Variants in TEX14 observed in about 807,000 individuals in gnomAD.
TEX14 encodes inactive serine/threonine-protein kinase TEX14.
Under a neutral mutation model 178.6 loss-of-function variants are expected in TEX14, and 168 were observed. That is an observed-to-expected ratio of 0.94 (90% CI 0.83 to 1.07). TEX14 has a LOEUF of 1.07. Among genes scored for constraint, TEX14 ranks in the 50% least tolerant of loss-of-function variants. The probability of loss-of-function intolerance (pLI) is 0.00; values close to 1 mark genes in which losing one functional copy is unlikely to be tolerated. For missense variants in TEX14, 1,730 were observed against 1,753.6 expected (o/e 0.99, Z 0.24); for synonymous variants, 626 against 634.1 (o/e 0.99, Z 0.19).
chr17:58,655,640 A>G (rs982344715), intron 1 of TEX14, among the ~76,000 whole-genome samples: 1 of 152,068 alleles, frequency 6.6e-6, no homozygotes. Context: ...CTTCTTTCCC[A>G]GTCTGGATCT....
chr17:58,628,039 C>T (rs1205644302), intron 3 of TEX14, among the ~76,000 whole-genome samples: 1 of 150,210 alleles, frequency 6.7e-6, no homozygotes, highest in Admixed American at 6.7e-5. Context: ...CAGGTGTGAG[C>T]TACTGCATCT....
At chr17:58,633,417 C>T (rs929363284) in intron 2 of TEX14, among the ~76,000 whole-genome samples, 3 of 152,212 alleles carry the variant, frequency 2.0e-5, no homozygotes, top group African/African-American at 7.2e-5. Flanking sequence ...GTGAACAGAA[C>T]TGCAGAAGAT....
At chr17:58,655,409 A>C (rs1675134) in intron 1 of TEX14, among the ~76,000 whole-genome samples, 68,313 of 151,486 alleles carry the variant, frequency 0.45, 16,071 homozygotes, top group Middle Eastern at 0.59. Flanking sequence ...GTCTCGATCT[A>C]TTGACCTCAT....
intron 2 of TEX14, among the ~76,000 whole-genome samples, chr17:58,632,826 T>A (rs1157225564): frequency 6.6e-6 from 1 of 151,978 alleles, no homozygotes; most frequent in African/African-American, 2.4e-5. Flanking sequence ...TTAGGCGACA[T>A]CCGGAAAGAT....
rs534332184 is a variant in TEX14, at chr17:58,575,067, C to T, written c.3321-818G>A. On this transcript the variant is annotated intron_variant, in intron 21 of 31. Coordinates refer to ENST00000349033, the MANE Select transcript of TEX14 (RefSeq NM_031272.5). ...AGATTCAATGTCAGTACTCACTGAA[C>T]ATTAACTATAAGGCAGATCCCATGC... 3.3e-5 allele frequency among the ~76,000 whole-genome samples: 5 copies of T among 151,018 alleles called. No individual in the cohort carries two copies. In the East Asian group the frequency reaches 7.8e-4, roughly 24 times the overall value.
In TEX14 at chr17:58,659,949, G is replaced by A. The variant is rs148214643; in HGVS notation, c.-1-7947C>T. Among the ~76,000 whole-genome samples the A allele has an allele frequency of 2.8e-3, 422 of 150,320 alleles. 2 individuals carry two copies. The highest frequency in any genetic ancestry group is 8.0e-3 in the Admixed American group (119 of 14,942). On this transcript the variant is annotated intron_variant, in intron 1 of 31. Transcript: ENST00000349033. The stretch of plus-strand genomic sequence containing the variant: ...TGACCTCAGGTGATCCGCCCACCTC[G>A]GCCTCCCAAAGTGCTGGGATTACAG...
At chr17:58,629,456 GAAAAAAA>G (rs969535540) in intron 3 of TEX14, among the ~76,000 whole-genome samples, 3 of 79,790 alleles carry the variant, frequency 3.8e-5, no homozygotes, top group South Asian at 4.0e-4. Context: ...CATGTGTCAG[GAAAAAAA>G]AAAAAAAAAA....
At chr17:58,641,231 A>G (rs1014040898) in intron 2 of TEX14, among the ~76,000 whole-genome samples, 6 of 151,844 alleles carry the variant, frequency 4.0e-5, no homozygotes, top group African/African-American at 1.4e-4. Context: ...ACCAATATGG[A>G]GAAACCCCGT....
At position 58,635,348 on chromosome 17, in the gene TEX14, G is replaced by T. The variant is rs570750943; in HGVS notation, c.137-4794C>A. 4.6e-5 allele frequency among the ~76,000 whole-genome samples: 7 copies of T among 151,132 alleles called. No individual in the cohort carries two copies. In the East Asian group the frequency reaches 1.4e-3, roughly 29 times the overall value. On this transcript the variant is annotated intron_variant, in intron 2 of 31. Transcript: ENST00000349033. ...AAGAAATTATAGTTATTGACAAGAA[G>T]AAATTACAGTCAAGGGAAGCCCCTC... is the stretch of plus-strand genomic sequence containing the variant.
intron 3 of TEX14, 143 bp downstream of exon 3, chr17:58,630,297 C>G: frequency 1.8e-6 from 1 of 564,964 alleles, no homozygotes; most frequent in Non-Finnish European, 3.2e-6. Context: ...ACCTCGTGAT[C>G]TGCCCGCCTT....
intron 3 of TEX14, among the ~76,000 whole-genome samples, chr17:58,626,435 T>C (rs992829237): frequency 6.6e-6 from 1 of 152,070 alleles, no homozygotes; most frequent in Admixed American, 6.6e-5. Flanking sequence ...CCGGGCATAG[T>C]GGCGTGTGCC....
At chr17:58,683,267 G>A (rs371938969) in intron 1 of TEX14, among the ~76,000 whole-genome samples, 99 of 151,642 alleles carry the variant, frequency 6.5e-4, no homozygotes, top group Admixed American at 3.4e-3. Flanking sequence ...CAGCTACTCC[G>A]GAGGCTGAGG....
chr17:58,582,791 T>TGACCTCAAGTGATCCTCCC (rs2044854115), intron 19 of TEX14, among the ~76,000 whole-genome samples: 1 of 151,250 alleles, frequency 6.6e-6, no homozygotes, highest in Non-Finnish European at 1.5e-5. Flanking sequence ...CTCAAACTCC[T>TGACCTCAAGTGATCCTCCC]GACCTCAAGT....
At position 58,603,768 on chromosome 17, in the gene TEX14, C is replaced by T. The variant is rs930376674; in HGVS notation, c.1337-1178G>A. Among the ~76,000 whole-genome samples the T allele has an allele frequency of 1.1e-3, 161 of 151,164 alleles. 1 individual carries two copies. The highest frequency in any genetic ancestry group is 1.6e-3 in the Non-Finnish European group (108 of 67,748). ...ACTTGGGAGGCTGAGGCAGGAGAAT[C>T]GCTTGAACCCGGGAGGCAGAAGTTG... On this transcript the variant is annotated intron_variant, in intron 11 of 31. Transcript: ENST00000349033.
At chr17:58,666,034 G>A (rs1321711176) in intron 1 of TEX14, among the ~76,000 whole-genome samples, 2 of 148,264 alleles carry the variant, frequency 1.3e-5, no homozygotes, top group East Asian at 2.0e-4. Context: ...GGGAGACGGC[G>A]AGACTCTGTC....
intron 31 of TEX14, 121 bp downstream of exon 31, chr17:58,557,678 C>A: frequency 1.3e-6 from 1 of 748,120 alleles, no homozygotes. Flanking sequence ...AATTAAGCAA[C>A]TTTGTCTAAA....
intron 3 of TEX14, among the ~76,000 whole-genome samples, chr17:58,629,918 C>CT (rs1196670899): frequency 5.1e-5 from 6 of 116,750 alleles, no homozygotes; most frequent in African/African-American, 9.5e-5. Context: ...TTTTTTTTTC[C>CT]TTTTTTTTTT....
chr17:58,603,189 C>A (rs557566699), intron 11 of TEX14, among the ~76,000 whole-genome samples: 2 of 151,906 alleles, frequency 1.3e-5, no homozygotes, highest in African/African-American at 4.8e-5. Context: ...ATGGGCTCCC[C>A]GCTGGCAGGG....
chr17:58,683,590 C>A (rs1229512205), intron 1 of TEX14, among the ~76,000 whole-genome samples: 1 of 148,096 alleles, frequency 6.8e-6, no homozygotes, highest in East Asian at 2.0e-4. Flanking sequence ...TGGTGAAAAC[C>A]TGTCTCTACT....
Sources: gnomAD v4.1 joint callset for allele counts (sites outside exome capture counted in the v4.1 genomes callset) on GRCh38, gnomAD v4.1.1 for gene constraint, MANE v1.5 for transcripts, NCBI Gene and HGNC (gene_info 2026-07-23, HGNC 2026-07-21) for gene names.